ANAPC11: variants seen among roughly 807,000 people sequenced by gnomAD.
The protein encoded by ANAPC11 is anaphase promoting complex subunit 11.
Under a neutral mutation model 11.8 loss-of-function variants are expected in ANAPC11, and 5 were observed. The ratio of observed to expected loss-of-function variants is 0.42; its 90% confidence interval spans 0.22 to 0.89. The LOEUF (loss-of-function observed/expected upper bound fraction) is 0.89. Among genes scored for constraint, ANAPC11 ranks in the 40% least tolerant of loss-of-function variants. ANAPC11 has a pLI of 0.28. For synonymous variants in ANAPC11, 45 were observed against 41.0 expected, an observed-to-expected ratio of 1.10 and a Z score of -0.38; for missense variants, 68 against 112.9, an observed-to-expected ratio of 0.60 and a Z score of 1.80.
chr17:81,894,758 C>G (rs190656618), intron 3 of ANAPC11, 172 bp downstream of exon 3: 287 of 441,526 alleles, frequency 6.5e-4, no homozygotes, highest in Non-Finnish European at 9.0e-4. Context: ...GATCTTGTTT[C>G]CCAGGCTGGA....
chr17:81,896,798 CTTTTTTTTTTT>C (rs1156391578), intron 3 of ANAPC11, among the ~76,000 whole-genome samples: 24 of 42,914 alleles, frequency 5.6e-4, no homozygotes, highest in South Asian at 1.8e-3. Context: ...GCCTCCTTTG[CTTTTTTTTTTT>C]TTTTTTTTTT....
intron 3 of ANAPC11, among the ~76,000 whole-genome samples, chr17:81,897,028 TCTCA>T (rs1253398297): frequency 1.3e-5 from 2 of 151,762 alleles, no homozygotes; most frequent in Non-Finnish European, 2.9e-5. Context: ...CGAGACAGAG[TCTCA>T]CTCTGTCACC....
rs529447834 is a variant in ANAPC11, at chr17:81,894,322, G to A, written c.-11-145G>A. The A allele has an allele frequency of 1.2e-4, 51 of 413,446 alleles. 1 individual carries two copies. The East Asian group carries it at 1.5e-3, about 12-fold the overall frequency. The allele number at this position is 413,446 out of a possible 1,614,324, so 25.6% of individuals were successfully genotyped here. A position where few individuals can be genotyped will look rare whatever the true frequency, so the allele number is the denominator to read the frequency against. On this transcript the variant is annotated intron_variant, in intron 2 of 3. Transcript: ENST00000344877. The stretch of plus-strand genomic sequence containing the variant: ...TCACGATGTTTCCCAGGCTGGGTTC[G>A]GACTCCTGGGCCGGTATGATCTTCC...
chr17:81,899,542 G>A, intron 3 of ANAPC11: 1 of 1,611,576 alleles, frequency 6.2e-7, no homozygotes. Flanking sequence ...AGGGCCTGTA[G>A]GTCAGACATT....
chr17:81,900,363 G>C (rs374359798), downstream of ANAPC11: 2 of 450,798 alleles, frequency 4.4e-6, no homozygotes, highest in African/African-American at 2.0e-5. Context: ...CAAGGCCCTC[G>C]TCAAACCCTG....
chr17:81,890,886 G>T, upstream of ANAPC11: 1 of 1,607,626 alleles, frequency 6.2e-7, no homozygotes, highest in Non-Finnish European at 8.5e-7. Context: ...TGACCCTCAC[G>T]GCTACTCCGG....
At chr17:81,899,506 C>G (rs752189744) in intron 3 of ANAPC11, 1 of 1,613,992 alleles carries the variant, frequency 6.2e-7, no homozygotes, top group South Asian at 1.1e-5. Context: ...TTTGGCATCA[C>G]AGATCAAGTG....
upstream of ANAPC11, chr17:81,891,707 T>TGAGGCGGG: frequency 1.1e-6 from 1 of 917,618 alleles, no homozygotes; most frequent in Non-Finnish European, 1.4e-6. Context: ...CGGGACGGGG[T>TGAGGCGGG]GAGGCGGGGA....
intron 3 of ANAPC11, 186 bp from the exon 4 acceptor site, chr17:81,899,734 C>T (rs2039875563): frequency 1.0e-6 from 1 of 954,814 alleles, no homozygotes. Flanking sequence ...TGCTGGTCTT[C>T]GCCTGGGGGC....
At chr17:81,897,463 A>G (rs1229003990) in intron 3 of ANAPC11, among the ~76,000 whole-genome samples, 1 of 151,890 alleles carries the variant, frequency 6.6e-6, no homozygotes, top group Non-Finnish European at 1.5e-5. Flanking sequence ...TGAAATTGAG[A>G]TGACTGAATC....
At chr17:81,894,787 G>A (rs181994104) in intron 3 of ANAPC11, 51 of 429,060 alleles carry the variant, frequency 1.2e-4, no homozygotes, top group Middle Eastern at 6.0e-4. Flanking sequence ...GCGCGATCTC[G>A]GCTTGCCGCA....
At chr17:81,899,611 C>T in intron 3 of ANAPC11, 3 of 1,518,444 alleles carry the variant, frequency 2.0e-6, no homozygotes, top group Non-Finnish European at 2.7e-6. Context: ...CAGAGCGCCA[C>T]CTCCTCAGAG....
chr17:81,891,696 G>T, upstream of ANAPC11: 1 of 1,009,298 alleles, frequency 9.9e-7, no homozygotes, highest in Non-Finnish European at 1.2e-6. Context: ...GGCTGCGCGC[G>T]CGGGACGGGG....
upstream of ANAPC11, chr17:81,891,310 C>T (rs1266249916): frequency 6.1e-6 from 7 of 1,150,034 alleles, no homozygotes; most frequent in Non-Finnish European, 7.5e-6. Context: ...GCGCGGCCGG[C>T]CTCCGCACTC....
intron 3 of ANAPC11, 128 bp downstream of exon 3, chr17:81,894,714 T>G: frequency 2.2e-6 from 1 of 464,826 alleles, no homozygotes; most frequent in Admixed American, 4.3e-5. Context: ...AGTTTCATTT[T>G]CTTTTTTTTT....
At chr17:81,891,442 CGCCGCGGCCGCCCTGGGAGCCGGCCCG>C, upstream of ANAPC11, 3 of 1,017,340 alleles carry the variant, frequency 2.9e-6, no homozygotes, top group Non-Finnish European at 3.5e-6. Flanking sequence ...TGCGCCCCAC[CGCCGCGGCCGCCCTGGGAGCCGGCCCG>C]GCCGCGGCCC....
At chr17:81,892,834 T>G (rs2143519850) in intron 1 of ANAPC11, among the ~76,000 whole-genome samples, 1 of 151,878 alleles carries the variant, frequency 6.6e-6, no homozygotes, top group Admixed American at 6.6e-5. Context: ...ATTTCATGGA[T>G]TTTAAGTTGT....
rs1000428640 is a variant in ANAPC11, at chr17:81,892,765, C to T, written c.-74-787C>T. Among the ~76,000 whole-genome samples the T allele has an allele frequency of 5.3e-5, 8 of 152,020 alleles. No homozygotes were observed. The East Asian group carries it at 1.4e-3, about 26-fold the overall frequency. ...CTTGAACTCCTGACCTCAGATGATC[C>T]GCCCGCCTTGGCCTCCCAAAGTGCT... On this transcript the variant is annotated intron_variant, in intron 1 of 3. Transcript: ENST00000344877.
chr17:81,892,930 T>C (rs1048298788), intron 1 of ANAPC11, among the ~76,000 whole-genome samples: 1 of 152,006 alleles, frequency 6.6e-6, no homozygotes, highest in Admixed American at 6.5e-5. Flanking sequence ...TGATCTTGGC[T>C]CACTGCAGCC....
Sources: allele counts gnomAD v4.1 joint callset (sites outside exome capture counted in the v4.1 genomes callset), GRCh38; gene constraint gnomAD v4.1.1; transcripts MANE v1.5; gene names NCBI Gene and HGNC (gene_info 2026-07-23, HGNC 2026-07-21).